The following CEP20 variants were observed in gnomAD, a reference collection of about 807,000 sequenced individuals.
CEP20 encodes the protein centrosomal protein 20, also known as FGFR1OP N-terminal like.
A neutral mutation model predicts 20.0 loss-of-function variants in CEP20; 18 were observed. That is an observed-to-expected ratio of 0.90 (90% confidence interval 0.62 to 1.34). CEP20 has a LOEUF of 1.34. Among genes scored for constraint, CEP20 ranks in the 40% most tolerant of loss-of-function variants. The probability of loss-of-function intolerance (pLI) is 0.00; values close to 1 mark genes in which losing one functional copy is unlikely to be tolerated. For synonymous variants in CEP20, 77 were observed against 73.7 expected (o/e 1.04, Z -0.23); for missense variants, 215 against 201.6 (o/e 1.07, Z -0.40).
Position 15,866,108 on chromosome 16 carries a change from A to T in CEP20, c.*1332T>A, listed in dbSNP as rs554559011. On this transcript the variant is annotated 3_prime_UTR_variant, in exon 5 of 5. Coordinates refer to ENST00000255759, the MANE Select transcript of CEP20 (RefSeq NM_144600.4). The stretch of plus-strand genomic sequence containing the variant: ...TTCTGCATCCATATATAATTTTACC[A>T]GCAGGGCCTCCCAAAATGTTGTGTA... The T allele has an allele frequency of 4.7e-5, 7 of 150,022 alleles. No individual in the cohort carries two copies. Among genetic ancestry groups the T allele is most frequent in the Non-Finnish European group, 1.0e-4 (7 of 67,266 alleles). The allele number at this position is 150,022 out of a possible 1,614,324, so 9.3% of individuals were successfully genotyped here.
intron 1 of CEP20, among the ~76,000 whole-genome samples, chr16:15,887,800 T>G (rs2045279620): frequency 6.6e-6 from 1 of 152,078 alleles, no homozygotes; most frequent in African/African-American, 2.4e-5. Context: ...TGCCTCTAGT[T>G]TCTTCTGATG....
rs760400607 is a variant in CEP20, at chr16:15,865,771, C to G, written c.*1669G>C. Reference sequence around the variant, plus strand: ...ATACATTGAAAGTATAAAAAGTTGCCGCAGTACAAACAAATTACAGAATAA... The same window carrying G: ...ATACATTGAAAGTATAAAAAGTTGCGGCAGTACAAACAAATTACAGAATAA... On this transcript the variant is annotated 3_prime_UTR_variant, in exon 5 of 5. Transcript: ENST00000255759. The G allele has an allele frequency of 6.6e-6, 1 of 151,906 alleles. No individual in the cohort carries two copies. The highest frequency in any genetic ancestry group is 1.9e-4 in the East Asian group (1 of 5,188). 9.4% of individuals were successfully genotyped at this position (151,906 alleles called of 1,614,324 possible). A position where few individuals can be genotyped will look rare whatever the true frequency, so the allele number is the denominator to read the frequency against.
intron 1 of CEP20, 41 bp downstream of exon 1, chr16:15,888,517 C>T: frequency 6.2e-7 from 1 of 1,613,868 alleles, no homozygotes; most frequent in Non-Finnish European, 8.5e-7. Context: ...AAGATGAAGG[C>T]CCGACGCTTC....
chr16:15,870,375 G>A (rs1187425974), intron 4 of CEP20, among the ~76,000 whole-genome samples: 1 of 152,108 alleles, frequency 6.6e-6, no homozygotes, highest in East Asian at 1.9e-4. Flanking sequence ...TATATTCTTG[G>A]TAAGTGTATA....
At chr16:15,880,881 C>T (rs906773650) in intron 2 of CEP20, among the ~76,000 whole-genome samples, 1 of 151,902 alleles carries the variant, frequency 6.6e-6, no homozygotes, top group Non-Finnish European at 1.5e-5. Flanking sequence ...TTATGAGAAT[C>T]TAAGGCCTGA....
chr16:15,884,381 C>G (rs3213477), intron 1 of CEP20, among the ~76,000 whole-genome samples, 176 bp from the exon 2 acceptor site: 2 of 152,170 alleles, frequency 1.3e-5, no homozygotes, highest in Non-Finnish European at 1.5e-5. Context: ...CATGTTTATA[C>G]TAAAACATAT....
intron 3 of CEP20, among the ~76,000 whole-genome samples, chr16:15,877,799 C>A (rs918913141): frequency 6.6e-5 from 10 of 151,282 alleles, no homozygotes; most frequent in Non-Finnish European, 1.0e-4. Context: ...AACAAAAAAA[C>A]CTCACAGCAC....
At chr16:15,885,251 T>C (rs186747230) in intron 1 of CEP20, among the ~76,000 whole-genome samples, 1 of 151,590 alleles carries the variant, frequency 6.6e-6, no homozygotes, top group East Asian at 2.0e-4. Context: ...GAGGGTGCAG[T>C]GAGCTGAGGT....
At position 15,866,460 on chromosome 16, in the gene CEP20, C is replaced by T. The variant is rs1371116873; in HGVS notation, c.*980G>A. 6.6e-6 allele frequency: 1 copy of T among 152,162 alleles called. No individual in the cohort carries two copies. The highest frequency in any genetic ancestry group is 2.4e-5 in the African/African-American group (1 of 41,442). The allele number at this position is 152,162 out of a possible 1,614,324, so 9.4% of individuals were successfully genotyped here. ...AGTCAGTTGTTTTCAATGAAATGAGCCTGTGGACACTACATTAAAAATACT... is the reference window on the plus strand; with the variant it reads ...AGTCAGTTGTTTTCAATGAAATGAGTCTGTGGACACTACATTAAAAATACT... On this transcript the variant is annotated 3_prime_UTR_variant, in exon 5 of 5. Coordinates refer to ENST00000255759, the MANE Select transcript of CEP20 (RefSeq NM_144600.4).
rs756273679 is a variant in CEP20 at position 15,866,729 on chromosome 16, T to C, written c.*711A>G. 7 of 152,338 alleles carry C rather than the reference T, an allele frequency of 4.6e-5. No individual in the cohort carries two copies. Among genetic ancestry groups the C allele is most frequent in the South Asian group, 2.1e-4 (1 of 4,828 alleles). The allele number at this position is 152,338 out of a possible 1,614,324, so 9.4% of individuals were successfully genotyped here. A position where few individuals can be genotyped will look rare whatever the true frequency, so the allele number is the denominator to read the frequency against. ...CTTCATGCTTACTTCACATTCTTTA[T>C]CTAATAAAATAAACTCTTTGTTTTA... On this transcript the variant is annotated 3_prime_UTR_variant, in exon 5 of 5. Transcript: ENST00000255759.
At chr16:15,870,671 G>A (rs1034581037) in intron 4 of CEP20, among the ~76,000 whole-genome samples, 2 of 151,924 alleles carry the variant, frequency 1.3e-5, no homozygotes, top group Non-Finnish European at 2.9e-5. Flanking sequence ...AAAAATAAGC[G>A]AGGTGCAGTG....
At chr16:15,876,752 A>C (rs543064813) in intron 3 of CEP20, among the ~76,000 whole-genome samples, 104 of 152,308 alleles carry the variant, frequency 6.8e-4, no homozygotes, top group African/African-American at 2.5e-3. Context: ...CCAATCACTG[A>C]AGTGTGAGAA....
At chr16:15,880,923 T>C (rs1242117714) in intron 2 of CEP20, among the ~76,000 whole-genome samples, 10 of 151,752 alleles carry the variant, frequency 6.6e-5, no homozygotes, top group Admixed American at 5.3e-4. Context: ...CACCCCCAGA[T>C]GGGACCATCT....
chr16:15,867,886 T>C (rs2044718806), intron 4 of CEP20, among the ~76,000 whole-genome samples: 1 of 150,248 alleles, frequency 6.7e-6, no homozygotes, highest in Admixed American at 6.7e-5. Flanking sequence ...GGCAGGAGAA[T>C]TGCTTGAACC....
intron 4 of CEP20, 131 bp downstream of exon 4, chr16:15,873,360 A>C: frequency 9.1e-7 from 1 of 1,104,578 alleles, no homozygotes; most frequent in Non-Finnish European, 1.2e-6. Flanking sequence ...GGAGTAACAT[A>C]GGCTAGACAT....
chr16:15,882,738 T>TCTATCTAC (rs1555465384), intron 2 of CEP20, among the ~76,000 whole-genome samples: 5 of 92,146 alleles, frequency 5.4e-5, no homozygotes, highest in African/African-American at 2.4e-4. Flanking sequence ...ATTATATCTA[T>TCTATCTAC]CTATCTATCT....
At position 15,879,796 on chromosome 16, in the gene CEP20, T is replaced by A. The variant is rs12597053; in HGVS notation, c.311+8A>T. The A allele has an allele frequency of 0.058, 89,146 of 1,537,938 alleles. 3,367 individuals carry two copies. Among genetic ancestry groups the A allele is most frequent in the East Asian group, 0.19 (8,299 of 42,736 alleles). ...ATATGTGGAAACTTCTTTAAAAAAA[T>A]GTCTTACATTGTATTATCCTTTGAT... On this transcript the variant is annotated splice_region_variant and intron_variant, in intron 3 of 4. Transcript: ENST00000255759.
chr16:15,888,498 C>G (rs1359395002), intron 1 of CEP20, 60 bp downstream of exon 1: 1 of 1,611,744 alleles, frequency 6.2e-7, no homozygotes, highest in Non-Finnish European at 8.5e-7. Context: ...CCCATCCCAT[C>G]CTTTCCACAA....
chr16:15,869,611 C>A lies in CEP20; in HGVS notation c.449-2095G>T, dbSNP rs532868912. Among the ~76,000 whole-genome samples the A allele has an allele frequency of 1.8e-3, 267 of 152,202 alleles. 1 individual carries two copies. Among genetic ancestry groups the A allele is most frequent in the African/African-American group, 6.2e-3 (259 of 41,544 alleles). On this transcript the variant is annotated intron_variant, in intron 4 of 4. Coordinates refer to ENST00000255759, the MANE Select transcript of CEP20 (RefSeq NM_144600.4). ...CAGGGGTGAGCTGCCGTGGCCTGGCCTGAACTTATTTTCAAGTAAAAGCCA... is the reference window on the plus strand; with the variant it reads ...CAGGGGTGAGCTGCCGTGGCCTGGCATGAACTTATTTTCAAGTAAAAGCCA...
Sources: gnomAD v4.1 joint callset for allele counts (sites outside exome capture counted in the v4.1 genomes callset) on GRCh38, gnomAD v4.1.1 for gene constraint, MANE v1.5 for transcripts, NCBI Gene and HGNC (gene_info 2026-07-23, HGNC 2026-07-21) for gene names.